INPP5B: variants seen among roughly 807,000 people sequenced by gnomAD.
The protein encoded by INPP5B is inositol polyphosphate-5-phosphatase B.
INPP5B carries 90 observed loss-of-function variants against 118.5 expected under a neutral mutation model. That is an observed-to-expected ratio of 0.76 (90% CI 0.64 to 0.90). The LOEUF is 0.90. INPP5B is among the 40% of genes least tolerant of loss of function. The pLI is 0.00. For missense variants in INPP5B, 984 were observed against 1,125.6 expected, an observed-to-expected ratio of 0.87 and a Z score of 1.80; for synonymous variants, 385 against 418.9, an observed-to-expected ratio of 0.92 and a Z score of 0.99.
rs71053999 is a variant in INPP5B, at chr1:37,893,085, C to CTTT, written c.533-1634_533-1632dup. Among the ~76,000 whole-genome samples, 201 of 81,362 alleles carry CTTT rather than the reference C, an allele frequency of 2.5e-3. 5 individuals are homozygous for CTTT. Among genetic ancestry groups the CTTT allele is most frequent in the African/African-American group, 7.4e-3 (123 of 16,724 alleles). 53.4% of individuals were successfully genotyped at this position (81,362 alleles called of 152,430 possible). On this transcript the variant is annotated intron_variant, in intron 7 of 23. Transcript: ENST00000373024. ...TATGTTTTTTTATTATTTTCTTTTTCTTTTTTTTTTTTTTTTTTTTTTTTT... is the reference window on the plus strand; with the variant it reads ...TATGTTTTTTTATTATTTTCTTTTTCTTTTTTTTTTTTTTTTTTTTTTTTTTTT...
intron 7 of INPP5B, among the ~76,000 whole-genome samples, chr1:37,905,029 A>C (rs1402584599): frequency 1.3e-5 from 2 of 152,244 alleles, no homozygotes; most frequent in African/African-American, 2.4e-5. Context: ...AGTTTGGCTT[A>C]TTTGGTATAT....
chr1:37,883,915 G>T, intron 13 of INPP5B: 1 of 926,194 alleles, frequency 1.1e-6, no homozygotes. Context: ...AAAATTCTAA[G>T]GCTTTGACTT....
intron 15 of INPP5B, 178 bp from the exon 16 acceptor site, chr1:37,878,501 A>G (rs762429063): frequency 1.0e-6 from 1 of 985,374 alleles, no homozygotes; most frequent in Non-Finnish European, 1.2e-6. Flanking sequence ...TCCTGTGGGT[A>G]TCATCCAAAA....
chr1:37,902,524 A>G (rs1644367312), intron 7 of INPP5B, among the ~76,000 whole-genome samples: 1 of 152,144 alleles, frequency 6.6e-6, no homozygotes, highest in Non-Finnish European at 1.5e-5. Context: ...GAGTCCAGGA[A>G]TCCAAGACAA....
At chr1:37,914,431 G>A (rs1644802403) in intron 7 of INPP5B, among the ~76,000 whole-genome samples, 1 of 152,050 alleles carries the variant, frequency 6.6e-6, no homozygotes, top group Non-Finnish European at 1.5e-5. Flanking sequence ...TCTGAGGATT[G>A]CATGAAAAGA....
intron 7 of INPP5B, among the ~76,000 whole-genome samples, chr1:37,901,138 T>C: frequency 6.6e-6 from 1 of 152,212 alleles, no homozygotes; most frequent in East Asian, 1.9e-4. Context: ...TTATTCATTA[T>C]TATTGGATGC....
At chr1:37,910,007 C>A (rs1033413418) in intron 7 of INPP5B, among the ~76,000 whole-genome samples, 1 of 152,170 alleles carries the variant, frequency 6.6e-6, no homozygotes, top group Non-Finnish European at 1.5e-5. Context: ...CTGTGCAGGA[C>A]CCCACTGGAA....
intron 7 of INPP5B, among the ~76,000 whole-genome samples, chr1:37,895,766 C>T (rs555279326): frequency 4.9e-4 from 75 of 152,348 alleles, no homozygotes; most frequent in Middle Eastern, 6.8e-3. Flanking sequence ...CCGCCAGCCT[C>T]GGCCTCCTGA....
Position 37,873,158 on chromosome 1 carries a change from A to T in INPP5B, c.1959T>A (p.Asp653Glu). The change falls in exon 19 of 24, where the codon GAT becomes GAA. Residue 653 changes from aspartate (D) to glutamate (E), a missense_variant. Asp to Glu is a conservative substitution (Grantham distance 45). Around this residue, in one of 2 missense-constraint regions of INPP5B, gnomAD observed 634 missense variants for 791.0 expected, o/e 0.80. Coordinates refer to ENST00000373024, the MANE Select transcript of INPP5B (RefSeq NM_005540.3). ...PSRGFLLPDS[D>E]VEIDLELFVN... ...CGAAGAGCTCCAAGTCAATCTCAACATCAGAATCTGCAGAGAAATTTTAAA... is the reference window on the plus strand; with the variant it reads ...CGAAGAGCTCCAAGTCAATCTCAACTTCAGAATCTGCAGAGAAATTTTAAA... 6.2e-7 allele frequency: 1 copy of T among 1,610,724 alleles called. No homozygotes were observed. The highest frequency in any genetic ancestry group is 1.1e-5 in the South Asian group (1 of 91,010).
chr1:37,899,135 C>G (rs1176405069), intron 7 of INPP5B, among the ~76,000 whole-genome samples: 1 of 146,432 alleles, frequency 6.8e-6, no homozygotes, highest in Non-Finnish European at 1.5e-5. Context: ...GAGCCGAGAT[C>G]GCGCCATTGC....
chr1:37,918,961 T>C (rs989618305), intron 7 of INPP5B, among the ~76,000 whole-genome samples: 9 of 152,194 alleles, frequency 5.9e-5, no homozygotes, highest in Non-Finnish European at 1.0e-4. Context: ...TTATTAGCCT[T>C]GTTTTACAAA....
intron 6 of INPP5B, among the ~76,000 whole-genome samples, chr1:37,932,571 A>G (rs1280873401): frequency 1.3e-5 from 2 of 152,058 alleles, no homozygotes; most frequent in East Asian, 3.9e-4. Context: ...GTTTCACCGT[A>G]TTAGCCAGGA....
intron 7 of INPP5B, chr1:37,931,571 G>T: frequency 1.3e-6 from 2 of 1,537,818 alleles, no homozygotes; most frequent in South Asian, 2.4e-5. Context: ...TCTTCGCCCC[G>T]AGCGTCCACT....
intron 7 of INPP5B, among the ~76,000 whole-genome samples, chr1:37,912,028 C>G (rs558474651): frequency 9.1e-4 from 139 of 152,322 alleles, no homozygotes; most frequent in Non-Finnish European, 1.0e-4. Context: ...TCTTGCTCAG[C>G]CCTGACCTCG....
intron 7 of INPP5B, among the ~76,000 whole-genome samples, chr1:37,917,143 G>C (rs1644892943): frequency 6.7e-6 from 1 of 149,414 alleles, no homozygotes; most frequent in Admixed American, 6.7e-5. Context: ...ATAAAAATTA[G>C]CTGGGCATGG....
chr1:37,933,726 T>A lies in INPP5B; in HGVS notation c.392-1673A>T, dbSNP rs548552378. 8.7e-4 allele frequency among the ~76,000 whole-genome samples: 38 copies of A among 43,752 alleles called. No individual in the cohort carries two copies. In the East Asian group the frequency reaches 0.017, roughly 19 times the overall value. 28.7% of individuals were successfully genotyped at this position (43,752 alleles called of 152,430 possible). On this transcript the variant is annotated intron_variant, in intron 6 of 23. Coordinates refer to ENST00000373024, the MANE Select transcript of INPP5B (RefSeq NM_005540.3). ...CAGAGCTAGACTCTGTCTCAATAAA[T>A]AAATAAATAAATAAATAAATAAATA...
intron 7 of INPP5B, among the ~76,000 whole-genome samples, chr1:37,894,098 T>C (rs575983457): frequency 3.9e-5 from 6 of 152,328 alleles, no homozygotes; most frequent in African/African-American, 1.4e-4. Context: ...TTGAATATCA[T>C]ACAATTTTCA....
At chr1:37,912,054 C>G (rs540433705) in intron 7 of INPP5B, among the ~76,000 whole-genome samples, 59 of 152,304 alleles carry the variant, frequency 3.9e-4, no homozygotes, top group African/African-American at 1.3e-3. Flanking sequence ...GACACCAGCC[C>G]TCTAGGCAAC....
At position 37,862,075 on chromosome 1, in the gene INPP5B, AT is replaced by A; in HGVS notation, c.*239del. ...TAAAAAATAAAAAAATCTGTGTTAAATAACTAAAGTTGAAAATTGAATGTCA... is the reference window on the plus strand; with the variant it reads ...TAAAAAATAAAAAAATCTGTGTTAAAAACTAAAGTTGAAAATTGAATGTCA... On this transcript the variant is annotated 3_prime_UTR_variant, in exon 24 of 24. Coordinates refer to ENST00000373024, the MANE Select transcript of INPP5B (RefSeq NM_005540.3). 2.3e-6 allele frequency: 1 copy of A among 441,990 alleles called. No homozygotes were observed. 27.4% of individuals were successfully genotyped at this position (441,990 alleles called of 1,614,324 possible).
Sources: allele counts gnomAD v4.1 joint callset (sites outside exome capture counted in the v4.1 genomes callset), GRCh38; gene constraint gnomAD v4.1.1; regional missense constraint gnomAD v4.1.1; transcripts MANE v1.5; gene names NCBI Gene and HGNC (gene_info 2026-07-23, HGNC 2026-07-21).